Variants in CFAP77 observed in about 807,000 individuals in gnomAD.
CFAP77 encodes the protein cilia and flagella associated protein 77, also known as cilia- and flagella-associated protein 77.
Under a neutral mutation model 31.1 loss-of-function variants are expected in CFAP77, and 25 were observed. That is an observed-to-expected ratio of 0.80 (90% CI 0.59 to 1.12). The LOEUF is 1.12. CFAP77 is among the 50% of genes most tolerant of loss of function. The pLI is 0.00. For missense variants in CFAP77, 377 were observed against 397.3 expected (o/e 0.95, Z 0.44); for synonymous variants, 151 against 159.9 (o/e 0.94, Z 0.42).
intron 3 of CFAP77, among the ~76,000 whole-genome samples, chr9:132,510,191 C>T (rs1167222133): frequency 6.6e-6 from 1 of 152,208 alleles, no homozygotes; most frequent in Non-Finnish European, 1.5e-5. Flanking sequence ...AAGGTCAACG[C>T]TAACGAGGCT....
At chr9:132,479,600 G>C (rs373698439) in intron 1 of CFAP77, among the ~76,000 whole-genome samples, 12 of 152,336 alleles carry the variant, frequency 7.9e-5, no homozygotes, top group African/African-American at 2.9e-4. Flanking sequence ...TGGCTGGAGG[G>C]ATGTGCTGCA....
Position 132,572,591 on chromosome 9 carries a change from G to A in CFAP77, c.*81G>A, listed in dbSNP as rs769960987. 2.1e-5 allele frequency: 29 copies of A among 1,367,924 alleles called. No individual in the cohort carries two copies. Among genetic ancestry groups the A allele is most frequent in the Non-Finnish European group, 2.7e-5 (27 of 1,009,416 alleles). 84.7% of individuals were successfully genotyped at this position (1,367,924 alleles called of 1,614,324 possible). A position where few individuals can be genotyped will look rare whatever the true frequency, so the allele number is the denominator to read the frequency against. ...GGACTCCCTATCTTGCCCCAACCCT[G>A]ACATTCCCCCATTTTTATGCAGGTT... On this transcript the variant is annotated 3_prime_UTR_variant, in exon 6 of 6. Transcript: ENST00000393216.
intron 5 of CFAP77, among the ~76,000 whole-genome samples, chr9:132,570,014 T>C (rs1829937125): frequency 6.6e-6 from 1 of 152,100 alleles, no homozygotes; most frequent in African/African-American, 2.4e-5. Flanking sequence ...ATTACAAGTG[T>C]GAGCCACTGC....
intron 3 of CFAP77, among the ~76,000 whole-genome samples, chr9:132,516,980 G>A (rs1043363640): frequency 4.6e-5 from 7 of 152,196 alleles, no homozygotes; most frequent in African/African-American, 1.7e-4. Context: ...TGGGTGCCAA[G>A]GAAAAAGGGA....
At position 132,517,477 on chromosome 9, in the gene CFAP77, C is replaced by T. The variant is rs886687457; in HGVS notation, c.524+17877C>T. On this transcript the variant is annotated intron_variant, in intron 3 of 5. Coordinates refer to ENST00000393216, the MANE Select transcript of CFAP77 (RefSeq NM_001282957.2). The surrounding 1 kb of genome is among the most constrained non-coding windows in gnomAD (Gnocchi z 4.7). The stretch of plus-strand genomic sequence containing the variant: ...GGCTACTAAACCGAATTAGTAGTCA[C>T]TGATGACCAATTATTTTAGCCTGCT... 6.6e-6 allele frequency among the ~76,000 whole-genome samples: 1 copy of T among 152,214 alleles called. No individual in the cohort carries two copies. Among genetic ancestry groups the T allele is most frequent in the South Asian group, 2.1e-4 (1 of 4,822 alleles).
chr9:132,500,925 C>T (rs1181441835), intron 3 of CFAP77, among the ~76,000 whole-genome samples: 1 of 152,210 alleles, frequency 6.6e-6, no homozygotes, highest in Non-Finnish European at 1.5e-5. Flanking sequence ...AGTCAACACC[C>T]CATCTTCTTC....
intron 1 of CFAP77, among the ~76,000 whole-genome samples, chr9:132,459,926 G>A (rs771093338): frequency 2.0e-5 from 3 of 151,792 alleles, no homozygotes; most frequent in Non-Finnish European, 4.4e-5. Flanking sequence ...GTTTGTATGA[G>A]TGTGTGCGTG....
intron 1 of CFAP77, among the ~76,000 whole-genome samples, chr9:132,417,045 A>G (rs1850114963): frequency 6.6e-6 from 1 of 151,864 alleles, no homozygotes; most frequent in Non-Finnish European, 1.5e-5. Context: ...CTGCATCAGT[A>G]TGTGAAGACC....
chr9:132,541,098 C>T (rs1852632362), intron 4 of CFAP77, among the ~76,000 whole-genome samples: 1 of 152,192 alleles, frequency 6.6e-6, no homozygotes, highest in Non-Finnish European at 1.5e-5. Context: ...GGTCAGTTTG[C>T]AAAGCCACAT....
rs763855848 is a variant in CFAP77, at chr9:132,490,286, C to A, written c.196-8409C>A. On this transcript the variant is annotated intron_variant, in intron 1 of 5. Coordinates refer to ENST00000393216, the MANE Select transcript of CFAP77 (RefSeq NM_001282957.2). The surrounding 1 kb of genome is among the most constrained non-coding windows in gnomAD (Gnocchi z 4.6). ...TTAAGTTTCAGCATGACTTTGGAGG[C>A]GATAAAAACATTCAGACCATAGCAC... 6.6e-6 allele frequency among the ~76,000 whole-genome samples: 1 copy of A among 152,134 alleles called. No homozygotes were observed. Among genetic ancestry groups the A allele is most frequent in the African/African-American group, 2.4e-5 (1 of 41,418 alleles).
At chr9:132,474,564 G>T (rs555725929) in intron 1 of CFAP77, among the ~76,000 whole-genome samples, 1 of 152,230 alleles carries the variant, frequency 6.6e-6, no homozygotes, top group South Asian at 2.1e-4. Context: ...TTCTAAGAAA[G>T]TTCAGCCCTT....
At chr9:132,524,785 A>G (rs1339790665) in intron 3 of CFAP77, among the ~76,000 whole-genome samples, 1 of 150,734 alleles carries the variant, frequency 6.6e-6, no homozygotes, top group African/African-American at 2.4e-5. Flanking sequence ...AGTAGCTGGG[A>G]CTACAGGCGC....
chr9:132,568,804 A>G (rs1288694665), intron 5 of CFAP77, among the ~76,000 whole-genome samples: 1 of 151,966 alleles, frequency 6.6e-6, no homozygotes, highest in African/African-American at 2.4e-5. Context: ...GGCTCAATCA[A>G]TCCTCCCATC....
chr9:132,443,823 C>G (rs1850660815), intron 1 of CFAP77, among the ~76,000 whole-genome samples: 1 of 152,188 alleles, frequency 6.6e-6, no homozygotes, highest in African/African-American at 2.4e-5. Context: ...TCTGGCCACG[C>G]TTGAATAGTA....
At chr9:132,427,397 C>T (rs527507470) in intron 1 of CFAP77, among the ~76,000 whole-genome samples, 26 of 152,324 alleles carry the variant, frequency 1.7e-4, no homozygotes, top group Middle Eastern at 3.4e-3. Context: ...TCCGGTCCTT[C>T]TCGGGTCTAG....
intron 5 of CFAP77, among the ~76,000 whole-genome samples, chr9:132,568,041 C>T (rs988461700): frequency 2.0e-5 from 3 of 152,090 alleles, no homozygotes; most frequent in African/African-American, 7.3e-5. Flanking sequence ...GTTCAGCTCA[C>T]TACAAGGGCC....
chr9:132,414,832 C>T (rs909120875), intron 1 of CFAP77, among the ~76,000 whole-genome samples: 4 of 152,234 alleles, frequency 2.6e-5, no homozygotes, highest in Admixed American at 2.0e-4. Context: ...CACGAGGAAG[C>T]GTTTATTTAG....
Position 132,570,407 on chromosome 9 carries a change from C to T in CFAP77, c.733-1981C>T, listed in dbSNP as rs536820934. ...TCCCTTGGTTGCAAGAGCCCCAATG[C>T]GATTCTGAGGCAAAACCAAAAAATC... On this transcript the variant is annotated intron_variant, in intron 5 of 5. Transcript: ENST00000393216. 7.2e-5 allele frequency among the ~76,000 whole-genome samples: 11 copies of T among 152,278 alleles called. No individual in the cohort carries two copies. The East Asian group carries it at 1.9e-3, about 27-fold the overall frequency.
intron 1 of CFAP77, among the ~76,000 whole-genome samples, chr9:132,472,523 G>A (rs915935497): frequency 2.0e-5 from 3 of 152,214 alleles, no homozygotes; most frequent in Non-Finnish European, 4.4e-5. Context: ...TTGAGAGGCC[G>A]AGGTGGGAGG....
Sources: gnomAD v4.1 joint callset for allele counts (sites outside exome capture counted in the v4.1 genomes callset) on GRCh38, gnomAD v4.1.1 for gene constraint, Gnocchi (gnomAD v3.1) non-coding constraint, MANE v1.5 for transcripts, NCBI Gene and HGNC (gene_info 2026-07-23, HGNC 2026-07-21) for gene names.